Variants in TTLL5 observed in about 807,000 individuals in gnomAD.
TTLL5 encodes tubulin tyrosine ligase like 5.
A neutral mutation model predicts 168.4 loss-of-function variants in TTLL5; 132 were observed. That is an observed-to-expected ratio of 0.78 (90% CI 0.68 to 0.91). The LOEUF (loss-of-function observed/expected upper bound fraction) is 0.91. Ranked by LOEUF, TTLL5 falls within the 40% of genes least tolerant of loss-of-function variation. The pLI, the probability that TTLL5 is intolerant of heterozygous loss-of-function variation, is 0.00. For missense variants in TTLL5, 1,545 were observed against 1,581.5 expected (o/e 0.98, Z 0.39); for synonymous variants, 546 against 558.6 (o/e 0.98, Z 0.32).
At chr14:75,775,717 G>A in intron 22 of TTLL5, 87 bp downstream of exon 22, 2 of 1,494,740 alleles carry the variant, frequency 1.3e-6, no homozygotes, top group Non-Finnish European at 1.8e-6. Flanking sequence ...CAACTGGATG[G>A]AGACACTCTT....
intron 9 of TTLL5, among the ~76,000 whole-genome samples, chr14:75,713,442 A>G (rs1887231939): frequency 6.6e-6 from 1 of 152,190 alleles, no homozygotes; most frequent in Admixed American, 6.5e-5. Flanking sequence ...TATGATGTTC[A>G]CACAACGATG....
At chr14:75,829,993 C>A (rs945801905) in intron 28 of TTLL5, among the ~76,000 whole-genome samples, 3 of 152,112 alleles carry the variant, frequency 2.0e-5, no homozygotes, top group African/African-American at 7.2e-5. Context: ...CTTCCAAGTT[C>A]ACAACTAAAT....
At chr14:75,764,521 G>GTA in intron 18 of TTLL5, 94 bp from the exon 19 acceptor site, 1 of 1,437,576 alleles carries the variant, frequency 7.0e-7, no homozygotes, top group Non-Finnish European at 9.6e-7. Flanking sequence ...ACCATGTCCA[G>GTA]TATGTCAGCA....
At position 75,737,246 on chromosome 14, in the gene TTLL5, A is replaced by G. The variant is rs543663456; in HGVS notation, c.1281+1957A>G. ...CTACAGGACACTTACATAAAGGCTA[A>G]AGGAACTGTAGATTGGTCATGTGTA... On this transcript the variant is annotated intron_variant, in intron 15 of 31. Coordinates refer to ENST00000298832, the MANE Select transcript of TTLL5 (RefSeq NM_015072.5). Among the ~76,000 whole-genome samples, 3 of 152,348 alleles carry G rather than the reference A, an allele frequency of 2.0e-5. No homozygotes were observed. The East Asian group carries it at 5.8e-4, about 29-fold the overall frequency.
chr14:75,804,365 G>A (rs767415439), intron 27 of TTLL5, among the ~76,000 whole-genome samples: 59 of 152,168 alleles, frequency 3.9e-4, no homozygotes, highest in Non-Finnish European at 1.3e-4. Context: ...AGCTAACACC[G>A]TAAGGGTCCA....
At chr14:75,939,421 T>A (rs1375473474) in intron 31 of TTLL5, among the ~76,000 whole-genome samples, 1 of 152,252 alleles carries the variant, frequency 6.6e-6, no homozygotes, top group East Asian at 1.9e-4. Context: ...AGCTTTACTC[T>A]GTCATTCAGG....
chr14:75,907,387 C>T (rs1443068952), intron 31 of TTLL5, among the ~76,000 whole-genome samples: 2 of 152,118 alleles, frequency 1.3e-5, no homozygotes, highest in Admixed American at 6.5e-5. Context: ...GAAAATTCTG[C>T]GAAACTTCAA....
intron 30 of TTLL5, among the ~76,000 whole-genome samples, chr14:75,885,900 C>T (rs1485576680): frequency 6.6e-6 from 1 of 152,172 alleles, no homozygotes; most frequent in African/African-American, 2.4e-5. Flanking sequence ...GTGTTAGGTA[C>T]TATTATGCAT....
intron 3 of TTLL5, among the ~76,000 whole-genome samples, chr14:75,678,654 A>T (rs1248798228): frequency 6.6e-6 from 1 of 151,628 alleles, no homozygotes; most frequent in African/African-American, 2.4e-5. Context: ...TTTGATTGTT[A>T]TCCATGTTTG....
chr14:75,727,831 A>G (rs1239404077), intron 12 of TTLL5: 2 of 504,454 alleles, frequency 4.0e-6, no homozygotes, highest in African/African-American at 3.9e-5. Flanking sequence ...GTGATGAAAG[A>G]AATAAGACTA....
intron 29 of TTLL5, among the ~76,000 whole-genome samples, chr14:75,869,725 A>G (rs1240447072): frequency 6.6e-6 from 1 of 151,728 alleles, no homozygotes; most frequent in Non-Finnish European, 1.5e-5. Context: ...CTATTATGCT[A>G]TATGCTGCCT....
chr14:75,906,241 A>G lies in TTLL5; in HGVS notation c.3823+4017A>G, dbSNP rs907208809. ...CAGAATGGCCTATTTTCATGATCAG[A>G]TTCTTACTCTTTTCACCACGTGTTG... is the stretch of plus-strand genomic sequence containing the variant. On this transcript the variant is annotated intron_variant, in intron 31 of 31. Transcript: ENST00000298832. Among the ~76,000 whole-genome samples the G allele has an allele frequency of 2.0e-5, 3 of 152,172 alleles. No homozygotes were observed. The East Asian group carries it at 5.8e-4, about 29-fold the overall frequency.
chr14:75,804,014 ACCAC>A (rs1384553418), intron 27 of TTLL5, among the ~76,000 whole-genome samples: 1 of 152,120 alleles, frequency 6.6e-6, no homozygotes, highest in Non-Finnish European at 1.5e-5. Flanking sequence ...ATAACAGCAG[ACCAC>A]CCAGGCGGGG....
chr14:75,841,563 A>T (rs1896247837), intron 28 of TTLL5, among the ~76,000 whole-genome samples: 1 of 152,080 alleles, frequency 6.6e-6, no homozygotes, highest in Non-Finnish European at 1.5e-5. Flanking sequence ...TTTCCATATG[A>T]TCTACTTCCC....
intron 31 of TTLL5, among the ~76,000 whole-genome samples, chr14:75,931,500 T>G (rs1413125572): frequency 6.6e-6 from 1 of 152,230 alleles, no homozygotes; most frequent in Non-Finnish European, 1.5e-5. Context: ...TAACACTTTC[T>G]GTTTGAATTA....
At chr14:75,712,756 C>T (rs1887175278) in intron 9 of TTLL5, among the ~76,000 whole-genome samples, 1 of 152,078 alleles carries the variant, frequency 6.6e-6, no homozygotes, top group African/African-American at 2.4e-5. Context: ...TATCTTGATT[C>T]TCTTGATCAA....
chr14:75,750,829 G>A (rs1484887584), intron 17 of TTLL5, among the ~76,000 whole-genome samples: 1 of 152,052 alleles, frequency 6.6e-6, no homozygotes, highest in Non-Finnish European at 1.5e-5. Context: ...AAATAGAGCA[G>A]TTAAAACAAT....
chr14:75,897,665 G>A (rs2032731755), intron 30 of TTLL5, among the ~76,000 whole-genome samples: 1 of 151,814 alleles, frequency 6.6e-6, no homozygotes, highest in Non-Finnish European at 1.5e-5. Context: ...TAGTAGAGAT[G>A]GGGTTTCACC....
chr14:75,672,836 G>A (rs1883850705), intron 3 of TTLL5, among the ~76,000 whole-genome samples: 1 of 152,026 alleles, frequency 6.6e-6, no homozygotes, highest in Admixed American at 6.5e-5. Flanking sequence ...TTTCTGTAAG[G>A]TCTGTAATAA....
Sources: allele counts gnomAD v4.1 joint callset (sites outside exome capture counted in the v4.1 genomes callset), GRCh38; gene constraint gnomAD v4.1.1; transcripts MANE v1.5; gene names NCBI Gene and HGNC (gene_info 2026-07-23, HGNC 2026-07-21).